Variants in SCAMP5 observed in about 807,000 individuals in gnomAD.
SCAMP5 encodes secretory carrier-associated membrane protein 5.
A neutral mutation model predicts 28.3 loss-of-function variants in SCAMP5; 7 were observed. That is an observed-to-expected ratio of 0.25 (90% CI 0.14 to 0.46). The LOEUF (loss-of-function observed/expected upper bound fraction) is 0.46, where lower values mean the gene tolerates loss of function less well. Among genes scored for constraint, SCAMP5 ranks in the 20% least tolerant of loss-of-function variants. The pLI is 0.99. For synonymous variants in SCAMP5, 117 were observed against 116.4 expected, an observed-to-expected ratio of 1.00 and a Z score of -0.03; for missense variants, 192 against 312.5, an observed-to-expected ratio of 0.61 and a Z score of 2.91.
In SCAMP5 at chr15:75,021,150, CT is replaced by C. The variant is rs1338722137; in HGVS notation, c.*2168del. On this transcript the variant is annotated 3_prime_UTR_variant, in exon 7 of 7. Coordinates refer to ENST00000425597, the MANE Select transcript of SCAMP5 (RefSeq NM_138967.4). ...TTGGACCTATATGGCCATGCTCTGG[CT>C]CTACCCTTGGGAAGCCTGATCCCGG... 4 of 152,332 alleles carry C rather than the reference CT, an allele frequency of 2.6e-5. No homozygotes were observed. The highest frequency in any genetic ancestry group is 9.7e-5 in the African/African-American group (4 of 41,442). 9.4% of individuals were successfully genotyped at this position (152,332 alleles called of 1,614,324 possible). A position where few individuals can be genotyped will look rare whatever the true frequency, so the allele number is the denominator to read the frequency against.
intron 1 of SCAMP5, among the ~76,000 whole-genome samples, chr15:74,998,543 T>C (rs1207198908): frequency 6.6e-6 from 1 of 150,728 alleles, no homozygotes; most frequent in Non-Finnish European, 1.5e-5. Flanking sequence ...GTGGAGGAGG[T>C]TGTAGTTAGC....
At chr15:75,017,639 G>T in intron 4 of SCAMP5, 1 of 594,272 alleles carries the variant, frequency 1.7e-6, no homozygotes, top group South Asian at 2.0e-5. Flanking sequence ...GTACCAGTGG[G>T]TGGTCTGTTC....
rs1259430998 is a variant in SCAMP5, at chr15:75,018,918, G to T, written c.643G>T (p.Ala215Ser). 1 of 1,574,370 alleles carries T rather than the reference G, an allele frequency of 6.4e-7. No individual in the cohort carries two copies. The highest frequency in any genetic ancestry group is 1.4e-5 in the African/African-American group (1 of 72,096). Residue 215 changes from alanine (A) to serine (S), a missense_variant, in exon 7 of 7, where the codon GCC (alanine) becomes TCC (serine). Transcript: ENST00000425597. The surrounding 1 kb of genome is among the most constrained non-coding windows in gnomAD (Gnocchi z 5.6). ...CGCAGCCATGGGGGCAGCCCAGGGT[G>T]CCATGAATCAGCCTCAGACTCAGTA... ...QNAAMGAAQGAMNQPQTQYSA... is the reference protein window; with the variant it reads ...QNAAMGAAQGSMNQPQTQYSA...
chr15:75,016,546 G>C (rs1489949599), intron 3 of SCAMP5, 47 bp from the exon 4 acceptor site: 2 of 1,575,140 alleles, frequency 1.3e-6, no homozygotes, highest in East Asian at 4.5e-5. Flanking sequence ...TCTCTCTATG[G>C]GCCTGGGTGT....
intron 1 of SCAMP5, among the ~76,000 whole-genome samples, chr15:75,000,549 A>AT (rs1169476458): frequency 2.0e-5 from 3 of 151,910 alleles, no homozygotes; most frequent in African/African-American, 7.3e-5. Context: ...AGCCTGGCTA[A>AT]TTTTTTGTAT....
intron 1 of SCAMP5, chr15:75,009,810 A>T (rs554311336): frequency 6.6e-6 from 1 of 152,142 alleles, no homozygotes; most frequent in African/African-American, 2.4e-5. Flanking sequence ...TTCTCATGGA[A>T]GTCTAACACA....
intron 1 of SCAMP5, among the ~76,000 whole-genome samples, chr15:75,011,292 C>T (rs1325552831): frequency 4.6e-5 from 7 of 152,172 alleles, no homozygotes; most frequent in East Asian, 3.8e-4. Flanking sequence ...TATGTTTTCA[C>T]GGTGGCTGTG....
At chr15:75,009,392 C>T (rs2065789833) in intron 1 of SCAMP5, among the ~76,000 whole-genome samples, 1 of 151,186 alleles carries the variant, frequency 6.6e-6, no homozygotes, top group South Asian at 2.1e-4. Context: ...ATTGTAATTG[C>T]CCGATCTTTT....
At chr15:75,001,079 G>A (rs1292202917) in intron 1 of SCAMP5, among the ~76,000 whole-genome samples, 1 of 151,324 alleles carries the variant, frequency 6.6e-6, no homozygotes, top group Non-Finnish European at 1.5e-5. Context: ...GACCATCCTG[G>A]CTAACACGGT....
chr15:75,008,579 A>C (rs576163812), intron 1 of SCAMP5, among the ~76,000 whole-genome samples: 1 of 150,834 alleles, frequency 6.6e-6, no homozygotes, highest in South Asian at 2.1e-4. Context: ...GGCTCACTGC[A>C]ACCTCCGCCT....
At chr15:75,017,516 T>C (rs540119903) in intron 4 of SCAMP5, 1 of 492,062 alleles carries the variant, frequency 2.0e-6, no homozygotes, top group South Asian at 3.5e-5. Flanking sequence ...TCCATCCATG[T>C]ACCAGTGGAG....
At chr15:75,015,705 C>T (rs1344964076) in intron 3 of SCAMP5, among the ~76,000 whole-genome samples, 1 of 152,124 alleles carries the variant, frequency 6.6e-6, no homozygotes, top group Non-Finnish European at 1.5e-5. Context: ...GCGGGTGGAT[C>T]ACCTGAGGTC....
In SCAMP5 at chr15:75,018,175, G is replaced by A. The variant is rs1180429587; in HGVS notation, c.395+204G>A. Among the ~76,000 whole-genome samples the A allele has an allele frequency of 6.6e-6, 1 of 152,106 alleles. No individual in the cohort carries two copies. The highest frequency in any genetic ancestry group is 6.5e-5 in the Admixed American group (1 of 15,268). ...GGCAGTGGTTTCTTGGGGGCTGAGG[G>A]GTGTCAGGGATTATAGGAAAACCTG... On this transcript the variant is annotated intron_variant, in intron 5 of 6. Coordinates refer to ENST00000425597, the MANE Select transcript of SCAMP5 (RefSeq NM_138967.4). This position sits in a 1 kb window ranked among gnomAD's most constrained non-coding sequence, Gnocchi z 5.6.
intron 1 of SCAMP5, among the ~76,000 whole-genome samples, chr15:75,010,665 A>T (rs1250042546): frequency 6.6e-6 from 1 of 152,188 alleles, no homozygotes; most frequent in Non-Finnish European, 1.5e-5. Flanking sequence ...TTAAAAAATT[A>T]GCATGGTAGT....
At chr15:75,012,990 G>T (rs556520937) in intron 3 of SCAMP5, 185 bp downstream of exon 3, 7 of 606,550 alleles carry the variant, frequency 1.2e-5, no homozygotes, top group Non-Finnish European at 2.0e-5. Context: ...CCACCTCCCC[G>T]ACTGGGCCTC....
At chr15:75,003,842 C>G (rs945974153) in intron 1 of SCAMP5, among the ~76,000 whole-genome samples, 1 of 151,830 alleles carries the variant, frequency 6.6e-6, no homozygotes, top group Non-Finnish European at 1.5e-5. Flanking sequence ...ATGCAGTGAA[C>G]AACTGTATAC....
rs761236339 is a variant in SCAMP5, at chr15:75,018,974, T to A, written c.699T>A (p.Asn233Lys). The change falls in exon 7 of 7, where the codon AAT (asparagine) becomes AAA (lysine). Residue 233 changes from asparagine (N) to lysine (K), a missense_variant. Coordinates refer to ENST00000425597, the MANE Select transcript of SCAMP5 (RefSeq NM_138967.4). This position sits in a 1 kb window ranked among gnomAD's most constrained non-coding sequence, Gnocchi z 5.6. ...CCACCCCCAATTACACGTACTCCAA[T>A]GAGATGTGAACCAGCCACGCCTACC... ...YSATPNYTYS[N>K]EM 1.3e-6 allele frequency: 2 copies of A among 1,515,618 alleles called. No homozygotes were observed. Among genetic ancestry groups the A allele is most frequent in the South Asian group, 2.7e-5 (2 of 72,732 alleles). 93.9% of individuals were successfully genotyped at this position (1,515,618 alleles called of 1,614,324 possible).
At chr15:74,995,846 G>A (rs1447643382) in intron 1 of SCAMP5, 173 bp downstream of exon 1, 1 of 153,652 alleles carries the variant, frequency 6.5e-6, no homozygotes, top group African/African-American at 2.4e-5. Flanking sequence ...TACTGTTTGG[G>A]GCTGGGGGAG....
intron 1 of SCAMP5, among the ~76,000 whole-genome samples, chr15:74,999,750 C>T (rs1188520720): frequency 5.9e-5 from 9 of 152,000 alleles, no homozygotes; most frequent in African/African-American, 1.5e-4. Context: ...TGCAGTGGGC[C>T]GAGATCGCGC....
Sources: allele counts gnomAD v4.1 joint callset (sites outside exome capture counted in the v4.1 genomes callset), GRCh38; gene constraint gnomAD v4.1.1; non-coding constraint Gnocchi (gnomAD v3.1); transcripts MANE v1.5; gene names NCBI Gene and HGNC (gene_info 2026-07-23, HGNC 2026-07-21).